The following CLPTM1 variants were observed in gnomAD, a reference collection of about 807,000 sequenced individuals.
CLPTM1 encodes CLPTM1 regulator of GABA type A receptor forward trafficking.
Under a neutral mutation model 77.3 loss-of-function variants are expected in CLPTM1, and 21 were observed. The ratio of observed to expected loss-of-function variants is 0.27; its 90% CI spans 0.19 to 0.39. CLPTM1 has a LOEUF of 0.39. Ranked by LOEUF, CLPTM1 falls within the 10% of genes least tolerant of loss-of-function variation. The pLI, the probability that CLPTM1 is intolerant of heterozygous loss-of-function variation, is 1.00. For missense variants in CLPTM1, 642 were observed against 921.2 expected, an observed-to-expected ratio of 0.70 and a Z score of 3.92; for synonymous variants, 373 against 381.0, an observed-to-expected ratio of 0.98 and a Z score of 0.24.
In CLPTM1 at chr19:44,987,518, G is replaced by A. The variant is rs530379882; in HGVS notation, c.1038+95G>A. 1.7e-4 allele frequency: 252 copies of A among 1,505,140 alleles called. 1 individual carries two copies. In the South Asian group the frequency reaches 2.3e-3, roughly 14 times the overall value. The allele number at this position is 1,505,140 out of a possible 1,614,324, so 93.2% of individuals were successfully genotyped here. A position where few individuals can be genotyped will look rare whatever the true frequency, so the allele number is the denominator to read the frequency against. ...CCAGGCCTGGGCTGTGGGACCTCCC[G>A]CCTGGTGCTCCTCTGCCCACAGTTT... is the stretch of plus-strand genomic sequence containing the variant. On this transcript the variant is annotated intron_variant, in intron 8 of 13. Transcript: ENST00000337392.
intron 4 of CLPTM1, among the ~76,000 whole-genome samples, chr19:44,974,924 C>T (rs188839247): frequency 2.0e-5 from 3 of 152,272 alleles, no homozygotes; most frequent in East Asian, 3.9e-4. Flanking sequence ...CAGGCAGCCC[C>T]GTTTCAAAAT....
intron 6 of CLPTM1, among the ~76,000 whole-genome samples, 181 bp from the exon 7 acceptor site, chr19:44,986,274 G>A (rs1450711477): frequency 2.4e-5 from 1 of 41,198 alleles, no homozygotes; most frequent in African/African-American, 1.1e-4. Flanking sequence ...GAGGTGGGAG[G>A]ATCGTGCTTG....
chr19:44,987,064 CCT>C (rs1970989872), intron 7 of CLPTM1, 113 bp from the exon 8 acceptor site: 1 of 1,360,172 alleles, frequency 7.4e-7, no homozygotes. Context: ...AGAAATGTCC[CCT>C]GTCCTCCAGT....
intron 1 of CLPTM1, 111 bp from the exon 2 acceptor site, chr19:44,961,852 T>C: frequency 1.7e-6 from 1 of 590,950 alleles, no homozygotes; most frequent in South Asian, 2.5e-5. Flanking sequence ...CTCCAGTTAT[T>C]GATAAGCACC....
intron 4 of CLPTM1, among the ~76,000 whole-genome samples, chr19:44,975,683 C>A (rs1970795634): frequency 6.6e-6 from 1 of 152,102 alleles, no homozygotes; most frequent in African/African-American, 2.4e-5. Flanking sequence ...CATGTGCCAG[C>A]CTCCTGAGTA....
chr19:44,980,833 T>C (rs1970883890), intron 5 of CLPTM1, among the ~76,000 whole-genome samples: 1 of 151,588 alleles, frequency 6.6e-6, no homozygotes, highest in Admixed American at 6.6e-5. Flanking sequence ...TTTCATTTTA[T>C]TTATTTATTA....
Position 44,991,017 on chromosome 19 carries a change from G to T in CLPTM1, c.1419+72G>T. ...ACGTATCCCTGAGGCACCCGGGGCC[G>T]GCCATCTGTCTGCCGGACCCATGCT... On this transcript the variant is annotated intron_variant, in intron 11 of 13. Coordinates refer to ENST00000337392, the MANE Select transcript of CLPTM1 (RefSeq NM_001294.4). The surrounding 1 kb of genome is among the most constrained non-coding windows in gnomAD (Gnocchi z 5.4). 7.3e-7 allele frequency: 1 copy of T among 1,374,060 alleles called. No individual in the cohort carries two copies. The highest frequency in any genetic ancestry group is 1.0e-6 in the Non-Finnish European group (1 of 973,426). The allele number at this position is 1,374,060 out of a possible 1,614,324, so 85.1% of individuals were successfully genotyped here.
chr19:44,973,042 G>C (rs750562318), intron 2 of CLPTM1, 45 bp from the exon 3 acceptor site: 21 of 1,603,702 alleles, frequency 1.3e-5, no homozygotes, highest in Middle Eastern at 1.7e-4. Flanking sequence ...CTATGGCGGA[G>C]AGCCAAGGCT....
chr19:44,972,815 A>T (rs1028530994), intron 2 of CLPTM1, among the ~76,000 whole-genome samples: 1 of 151,732 alleles, frequency 6.6e-6, no homozygotes, highest in Admixed American at 6.6e-5. Flanking sequence ...CTCCTGCAGG[A>T]TTTAGAGTCA....
chr19:44,988,163 C>G lies in CLPTM1; in HGVS notation c.1122C>G (p.Ala374=). Residue 374 remains alanine, a synonymous_variant, in exon 9 of 14, where the codon GCC becomes GCG. Transcript: ENST00000337392. Reference sequence around the variant, plus strand: ...TTCACAGTGTCTTCGAGTTCCTGGCCTTCAAGAATGGTAGGAACAGGACCC... The same window carrying G: ...TTCACAGTGTCTTCGAGTTCCTGGCGTTCAAGAATGGTAGGAACAGGACCC... The part of the protein sequence containing the change: ...SIVHSVFEFL[A]FKNDIQFWNS... 3 of 1,612,536 alleles carry G rather than the reference C, an allele frequency of 1.9e-6. No individual in the cohort carries two copies. The highest frequency in any genetic ancestry group is 2.5e-6 in the Non-Finnish European group (3 of 1,178,532).
intron 7 of CLPTM1, 169 bp downstream of exon 7, chr19:44,986,744 A>G (rs1161262759): frequency 1.2e-6 from 1 of 838,772 alleles, no homozygotes; most frequent in Non-Finnish European, 1.8e-6. Flanking sequence ...CCTCTCCCAC[A>G]CCACCACCCC....
At chr19:44,963,957 G>A (rs896186719) in intron 2 of CLPTM1, among the ~76,000 whole-genome samples, 4 of 150,686 alleles carry the variant, frequency 2.7e-5, no homozygotes, top group Non-Finnish European at 5.9e-5. Flanking sequence ...TATTAGAGAT[G>A]GGGTTTCACT....
chr19:44,979,731 C>T (rs1970864103), intron 5 of CLPTM1, among the ~76,000 whole-genome samples: 1 of 152,038 alleles, frequency 6.6e-6, no homozygotes, highest in African/African-American at 2.4e-5. Context: ...GTTGGTATGT[C>T]CCACCCGGCT....
chr19:44,978,829 C>T (rs1326627736), intron 5 of CLPTM1, among the ~76,000 whole-genome samples: 2 of 146,458 alleles, frequency 1.4e-5, no homozygotes, highest in Non-Finnish European at 3.0e-5. Flanking sequence ...GTGGGGAGTA[C>T]TAGAGTACAT....
rs1002440167 is a variant in CLPTM1 at position 44,992,753 on chromosome 19, G to A, written c.1866G>A (p.Thr622=). ...TTCCCACAGCAGCAGGGGCCCTCAC[G>A]CCCACACCTGCACCCACCACGACCA... ...AEVPTAAGAL[T]PTPAPTTTTA... The change falls in exon 14 of 14, where the codon ACG becomes ACA. Residue 622 remains threonine, a synonymous_variant. Transcript: ENST00000337392. The surrounding 1 kb of genome is among the most constrained non-coding windows in gnomAD (Gnocchi z 7.7). The A allele has an allele frequency of 1.1e-5, 18 of 1,612,332 alleles. No individual in the cohort carries two copies. Among genetic ancestry groups the A allele is most frequent in the African/African-American group, 6.7e-5 (5 of 74,866 alleles).
intron 4 of CLPTM1, among the ~76,000 whole-genome samples, chr19:44,976,804 G>A (rs1049032958): frequency 6.6e-6 from 1 of 152,186 alleles, no homozygotes; most frequent in Non-Finnish European, 1.5e-5. Context: ...CACACACTAT[G>A]TGACCCCTTG....
In CLPTM1 at chr19:44,974,429, G is replaced by A. The variant is rs781731817; in HGVS notation, c.310-10G>A. 1.9e-6 allele frequency: 3 copies of A among 1,608,822 alleles called. No individual in the cohort carries two copies. The highest frequency in any genetic ancestry group is 2.7e-5 in the African/African-American group (2 of 74,814). ...CAGGCCTGAGCTCTGTTCCCTTCCT[G>A]TCCCAACAGAACCTGCATGTGTACA... On this transcript the variant is annotated splice_polypyrimidine_tract_variant and intron_variant, in intron 3 of 13. Transcript: ENST00000337392.
At chr19:44,972,951 C>T in intron 2 of CLPTM1, 136 bp from the exon 3 acceptor site, 3 of 1,228,180 alleles carry the variant, frequency 2.4e-6, no homozygotes, top group Non-Finnish European at 3.4e-6. Context: ...CTGTGACTAC[C>T]TTCTCAGGGC....
chr19:44,969,610 T>A (rs1023571116), intron 2 of CLPTM1, among the ~76,000 whole-genome samples: 1 of 152,042 alleles, frequency 6.6e-6, no homozygotes, highest in Non-Finnish European at 1.5e-5. Context: ...TGCTGAAGAT[T>A]CAGCCATCAC....
Sources: gnomAD v4.1 joint callset for allele counts (sites outside exome capture counted in the v4.1 genomes callset) on GRCh38, gnomAD v4.1.1 for gene constraint, Gnocchi (gnomAD v3.1) non-coding constraint, MANE v1.5 for transcripts, NCBI Gene and HGNC (gene_info 2026-07-23, HGNC 2026-07-21) for gene names.